The following PHACTR4 variants were observed in gnomAD, a reference collection of about 807,000 sequenced individuals.
The protein encoded by PHACTR4 is phosphatase and actin regulator 4, also known as protein phosphatase 1, regulatory subunit 124.
Under a neutral mutation model 72.7 loss-of-function variants are expected in PHACTR4, and 51 were observed. The ratio of observed to expected loss-of-function variants is 0.70; its 90% CI spans 0.56 to 0.89. The LOEUF is 0.89. Among genes scored for constraint, PHACTR4 ranks in the 40% least tolerant of loss-of-function variants. The pLI, the probability that PHACTR4 is intolerant of heterozygous loss-of-function variation, is 0.00. For synonymous variants in PHACTR4, 255 were observed against 302.5 expected (o/e 0.84, Z 1.63); for missense variants, 731 against 861.8 (o/e 0.85, Z 1.90).
chr1:28,470,920 G>A (rs1021775973), intron 6 of PHACTR4, among the ~76,000 whole-genome samples: 3 of 151,752 alleles, frequency 2.0e-5, no homozygotes, highest in African/African-American at 2.4e-5. Context: ...AGCTACTTGG[G>A]AGGCTGTAGC....
intron 8 of PHACTR4, among the ~76,000 whole-genome samples, chr1:28,479,402 A>G (rs1318820271): frequency 2.1e-5 from 3 of 144,640 alleles, no homozygotes; most frequent in African/African-American, 8.1e-5. Context: ...CCGGGGTCAC[A>G]GAGCGAGACT....
intron 9 of PHACTR4, among the ~76,000 whole-genome samples, chr1:28,487,516 C>CAA (rs1255839900): frequency 1.6e-5 from 1 of 62,404 alleles, no homozygotes; most frequent in Non-Finnish European, 3.2e-5. Flanking sequence ...CTGACACACA[C>CAA]ACAAAAAAAA....
intron 1 of PHACTR4, among the ~76,000 whole-genome samples, chr1:28,389,734 C>A (rs1384298714): frequency 1.3e-5 from 2 of 152,126 alleles, no homozygotes; most frequent in Non-Finnish European, 2.9e-5. Context: ...CTCGGCCCCC[C>A]ACCAAGTTTT....
At chr1:28,455,900 A>C (rs1465906722) in intron 2 of PHACTR4, among the ~76,000 whole-genome samples, 2 of 152,206 alleles carry the variant, frequency 1.3e-5, no homozygotes, top group Non-Finnish European at 2.9e-5. Context: ...AGAGGAAAGA[A>C]GGACATCTGC....
intron 8 of PHACTR4, among the ~76,000 whole-genome samples, chr1:28,476,540 T>G: frequency 1.3e-5 from 2 of 151,268 alleles, no homozygotes; most frequent in South Asian, 4.2e-4. Context: ...TTTTTTTGTT[T>G]TAATTTTTTT....
At chr1:28,487,300 A>G (rs1317289338) in intron 9 of PHACTR4, among the ~76,000 whole-genome samples, 2 of 151,954 alleles carry the variant, frequency 1.3e-5, no homozygotes, top group Admixed American at 6.6e-5. Flanking sequence ...TGGGAGGCGG[A>G]GGTTGCAGTG....
At chr1:28,493,668 A>G (rs1661173245) in intron 13 of PHACTR4, among the ~76,000 whole-genome samples, 1 of 152,204 alleles carries the variant, frequency 6.6e-6, no homozygotes, top group South Asian at 2.1e-4. Context: ...GGAGGCTCAC[A>G]ATGGTTAAGT....
chr1:28,410,595 T>C (rs1461935681), intron 2 of PHACTR4, among the ~76,000 whole-genome samples: 1 of 152,204 alleles, frequency 6.6e-6, no homozygotes, highest in African/African-American at 2.4e-5. Flanking sequence ...GCTATAGAAG[T>C]TATAGTTGAC....
rs1397733837 is a variant in PHACTR4, at chr1:28,369,750, C to T, written c.-114C>T. ...GGGGGCCAAGGGCTCCGGCTGCTGCCTGGCGGCCAACGGGCCAGGTAGGAT... is the reference window on the plus strand; with the variant it reads ...GGGGGCCAAGGGCTCCGGCTGCTGCTTGGCGGCCAACGGGCCAGGTAGGAT... On this transcript the variant is annotated 5_prime_UTR_variant, in exon 1 of 14. Transcript: ENST00000373839. 1 of 447,086 alleles carries T rather than the reference C, an allele frequency of 2.2e-6. No homozygotes were observed. Among genetic ancestry groups the T allele is most frequent in the South Asian group, 1.6e-5 (1 of 63,336 alleles). 27.7% of individuals were successfully genotyped at this position (447,086 alleles called of 1,614,324 possible).
chr1:28,448,264 C>G (rs1657617464), intron 2 of PHACTR4, among the ~76,000 whole-genome samples: 2 of 151,950 alleles, frequency 1.3e-5, no homozygotes, highest in South Asian at 4.2e-4. Context: ...GCCTGTAATC[C>G]TAGCACTTTG....
chr1:28,445,421 T>C (rs1657386445), intron 2 of PHACTR4, among the ~76,000 whole-genome samples: 1 of 152,122 alleles, frequency 6.6e-6, no homozygotes, highest in Non-Finnish European at 1.5e-5. Flanking sequence ...ACCAAAGATT[T>C]TTAATAAATT....
intron 2 of PHACTR4, among the ~76,000 whole-genome samples, chr1:28,408,869 A>G (rs1404220128): frequency 6.3e-5 from 9 of 143,666 alleles, no homozygotes; most frequent in Non-Finnish European, 1.2e-4. Context: ...TGGTAGAGAT[A>G]GGGCTTTGCC....
chr1:28,491,574 G>C, intron 11 of PHACTR4, 76 bp from the exon 12 acceptor site: 2 of 1,592,916 alleles, frequency 1.3e-6, no homozygotes. Context: ...TTGAAGCACT[G>C]GGTTAGAGGC....
At chr1:28,433,696 G>A (rs1372536827) in intron 2 of PHACTR4, among the ~76,000 whole-genome samples, 1 of 151,596 alleles carries the variant, frequency 6.6e-6, no homozygotes, top group Non-Finnish European at 1.5e-5. Context: ...GACCCCAGGT[G>A]ATCCGCCCGC....
At chr1:28,383,244 T>C (rs895758021) in intron 1 of PHACTR4, among the ~76,000 whole-genome samples, 2 of 152,216 alleles carry the variant, frequency 1.3e-5, no homozygotes, top group African/African-American at 4.8e-5. Context: ...AGTACCATGC[T>C]GTATTGGTTA....
At chr1:28,489,312 G>T in intron 10 of PHACTR4, 87 bp downstream of exon 10, 1 of 1,108,106 alleles carries the variant, frequency 9.0e-7, no homozygotes, top group Non-Finnish European at 1.3e-6. Flanking sequence ...AGAAGCGTTT[G>T]CTACAAGGGC....
chr1:28,386,898 G>A (rs1187218075), intron 1 of PHACTR4, among the ~76,000 whole-genome samples: 1 of 152,056 alleles, frequency 6.6e-6, no homozygotes, highest in Non-Finnish European at 1.5e-5. Context: ...CTGAGTATAG[G>A]GCTCATAGAG....
chr1:28,481,236 C>G (rs1187329694), intron 9 of PHACTR4: 3 of 152,220 alleles, frequency 2.0e-5, no homozygotes, highest in African/African-American at 7.2e-5. Flanking sequence ...CTCTGTGTTT[C>G]CCAGGCTGGT....
intron 2 of PHACTR4, among the ~76,000 whole-genome samples, chr1:28,415,828 A>G (rs1655071310): frequency 6.6e-6 from 1 of 152,238 alleles, no homozygotes; most frequent in South Asian, 2.1e-4. Context: ...TAGAATTTGT[A>G]TCATATAGGA....
Sources: allele counts gnomAD v4.1 joint callset (sites outside exome capture counted in the v4.1 genomes callset), GRCh38; gene constraint gnomAD v4.1.1; transcripts MANE v1.5; gene names NCBI Gene and HGNC (gene_info 2026-07-23, HGNC 2026-07-21).